Variants in PLEKHA2 observed in about 807,000 individuals in gnomAD.
The protein encoded by PLEKHA2 is pleckstrin homology domain-containing family A member 2.
PLEKHA2 carries 28 observed loss-of-function variants against 53.2 expected under a neutral mutation model. The observed-to-expected ratio is 0.53, with a 90% CI of 0.39 to 0.72. PLEKHA2 has a LOEUF of 0.72. PLEKHA2 is among the 30% of genes least tolerant of loss of function. PLEKHA2 has a pLI of 0.00. For synonymous variants in PLEKHA2, 193 were observed against 196.4 expected (o/e 0.98, Z 0.14); for missense variants, 426 against 537.9 (o/e 0.79, Z 2.06).
At chr8:38,912,067 G>A (rs1461919313) in intron 1 of PLEKHA2, among the ~76,000 whole-genome samples, 1 of 152,230 alleles carries the variant, frequency 6.6e-6, no homozygotes, top group Non-Finnish European at 1.5e-5. Flanking sequence ...TGGGGAGGCT[G>A]AGGCTGGTGG....
chr8:38,929,637 T>C (rs755496595), intron 2 of PLEKHA2, among the ~76,000 whole-genome samples: 4 of 152,242 alleles, frequency 2.6e-5, no homozygotes, highest in Non-Finnish European at 5.9e-5. Context: ...CGACCACATG[T>C]GAAGGTGCCT....
intron 11 of PLEKHA2, chr8:38,968,898 C>CTTTT (rs761821480): frequency 5.2e-5 from 13 of 250,688 alleles, no homozygotes; most frequent in Non-Finnish European, 6.7e-5. Context: ...AATGGAATTT[C>CTTTT]TTTTTTTTTT....
At chr8:38,946,442 G>A (rs993184186) in intron 5 of PLEKHA2, among the ~76,000 whole-genome samples, 3 of 152,314 alleles carry the variant, frequency 2.0e-5, no homozygotes, top group South Asian at 2.1e-4. Flanking sequence ...TTCATGGAGC[G>A]TCCCCTTTGT....
intron 2 of PLEKHA2, among the ~76,000 whole-genome samples, chr8:38,930,442 G>A (rs1834370867): frequency 6.6e-6 from 1 of 152,094 alleles, no homozygotes; most frequent in Admixed American, 6.5e-5. Context: ...GACCTCAGGT[G>A]ATCCCCCTGC....
chr8:38,928,236 C>CCT (rs1834321919), intron 2 of PLEKHA2, among the ~76,000 whole-genome samples: 1 of 110,130 alleles, frequency 9.1e-6, no homozygotes, highest in Non-Finnish European at 1.8e-5. Flanking sequence ...CTGACCTGGT[C>CCT]TTTTTTTTTT....
At chr8:38,949,252 T>G (rs904091419) in intron 5 of PLEKHA2, among the ~76,000 whole-genome samples, 1 of 151,108 alleles carries the variant, frequency 6.6e-6, no homozygotes, top group Non-Finnish European at 1.5e-5. Flanking sequence ...TCTAACAAAA[T>G]GAAAGATTTC....
intron 10 of PLEKHA2, among the ~76,000 whole-genome samples, chr8:38,964,749 A>C (rs1204417959): frequency 6.6e-6 from 1 of 152,066 alleles, no homozygotes; most frequent in African/African-American, 2.4e-5. Flanking sequence ...GTATTTTGGA[A>C]AACAGAAATG....
At chr8:38,964,781 G>T (rs1438646939) in intron 10 of PLEKHA2, among the ~76,000 whole-genome samples, 1 of 146,668 alleles carries the variant, frequency 6.8e-6, no homozygotes. Flanking sequence ...GACTGGATTT[G>T]CTCTCAATTG....
At chr8:38,949,173 C>T (rs1221699829) in intron 5 of PLEKHA2, among the ~76,000 whole-genome samples, 2 of 151,870 alleles carry the variant, frequency 1.3e-5, no homozygotes, top group African/African-American at 2.4e-5. Flanking sequence ...GCCTGGCCGA[C>T]ATTCAGCTGT....
chr8:38,929,749 T>G (rs538722189), intron 2 of PLEKHA2, among the ~76,000 whole-genome samples: 10 of 152,348 alleles, frequency 6.6e-5, no homozygotes, highest in African/African-American at 2.4e-4. Context: ...TGTTAGGAGT[T>G]TGAGCTCTGT....
At chr8:38,929,255 G>C (rs904833387) in intron 2 of PLEKHA2, among the ~76,000 whole-genome samples, 1 of 152,152 alleles carries the variant, frequency 6.6e-6, no homozygotes, top group African/African-American at 2.4e-5. Flanking sequence ...TGTAAGAGAA[G>C]GTCAGATGGC....
At chr8:38,943,701 C>T (rs1834654227) in intron 3 of PLEKHA2, 88 bp from the exon 4 acceptor site, 2 of 1,000,266 alleles carry the variant, frequency 2.0e-6, no homozygotes, top group Non-Finnish European at 2.9e-6. Flanking sequence ...GTTTAATGTA[C>T]TCTTTATATA....
chr8:38,937,767 CA>C (rs1285756338), intron 3 of PLEKHA2, among the ~76,000 whole-genome samples: 2 of 152,170 alleles, frequency 1.3e-5, no homozygotes, highest in African/African-American at 4.8e-5. Context: ...GGGTTTTTCC[CA>C]GAATGACATT....
At chr8:38,931,484 C>T (rs1200146121) in intron 2 of PLEKHA2, among the ~76,000 whole-genome samples, 1 of 152,146 alleles carries the variant, frequency 6.6e-6, no homozygotes, top group Non-Finnish European at 1.5e-5. Context: ...CCTTTCCTGC[C>T]TCTTCTACCC....
In PLEKHA2 at chr8:38,946,722, C is replaced by A. The variant is rs537662804; in HGVS notation, c.345+501C>A. 5.9e-5 allele frequency among the ~76,000 whole-genome samples: 9 copies of A among 152,306 alleles called. No individual in the cohort carries two copies. In the East Asian group the frequency reaches 1.5e-3, roughly 26 times the overall value. ...ATCACAGAGCTCGTTCATGGACTGT[C>A]CTACGAGTGTGCTCTTTTTCCTTGA... On this transcript the variant is annotated intron_variant, in intron 5 of 11. Coordinates refer to ENST00000617275, the MANE Select transcript of PLEKHA2 (RefSeq NM_021623.2).
In PLEKHA2 at chr8:38,970,803, TATAAA is replaced by T. The variant is rs1177133704; in HGVS notation, c.*1022_*1026del. The T allele has an allele frequency of 6.6e-6, 1 of 152,098 alleles. No homozygotes were observed. 9.4% of individuals were successfully genotyped at this position (152,098 alleles called of 1,614,324 possible). The stretch of plus-strand genomic sequence containing the variant: ...ACAAGAGTGAAACTCCGTCTCAAAA[TATAAA>T]AGAAAATTGAGTGTCCCACCCAAAT... On this transcript the variant is annotated 3_prime_UTR_variant, in exon 12 of 12. Transcript: ENST00000617275.
intron 2 of PLEKHA2, among the ~76,000 whole-genome samples, chr8:38,920,961 C>T (rs1834180621): frequency 6.6e-6 from 1 of 152,046 alleles, no homozygotes; most frequent in Non-Finnish European, 1.5e-5. Context: ...CCACCACGCC[C>T]AGCTAATTTT....
chr8:38,932,495 G>GGGTGGGCTCCCCTCCC (rs1301768360), intron 2 of PLEKHA2, among the ~76,000 whole-genome samples: 1 of 152,126 alleles, frequency 6.6e-6, no homozygotes, highest in East Asian at 1.9e-4. Context: ...GGGACAGCTT[G>GGGTGGGCTCCCCTCCC]GGTGGGCTCC....
rs867212797 is a variant in PLEKHA2 at position 38,901,419 on chromosome 8, C to G, written c.-50C>G. On this transcript the variant is annotated 5_prime_UTR_variant, in exon 1 of 12. Transcript: ENST00000617275. ...ACCCCGCCCGATGTAACGCGCCCCGCCCGAGCCCCGGCCCCTGCACGGGGG... is the reference window on the plus strand; with the variant it reads ...ACCCCGCCCGATGTAACGCGCCCCGGCCGAGCCCCGGCCCCTGCACGGGGG... 2 of 116,712 alleles carry G rather than the reference C, an allele frequency of 1.7e-5. No homozygotes were observed. The highest frequency in any genetic ancestry group is 8.9e-5 in the Admixed American group (1 of 11,174). 7.2% of individuals were successfully genotyped at this position (116,712 alleles called of 1,614,324 possible). A position where few individuals can be genotyped will look rare whatever the true frequency, so the allele number is the denominator to read the frequency against.
Sources: allele counts gnomAD v4.1 joint callset (sites outside exome capture counted in the v4.1 genomes callset), GRCh38; gene constraint gnomAD v4.1.1; transcripts MANE v1.5; gene names NCBI Gene and HGNC (gene_info 2026-07-23, HGNC 2026-07-21).